The following KIF4A variants were observed in gnomAD, a reference collection of about 807,000 sequenced individuals.
KIF4A encodes the protein kinesin family member 4A, also known as chromosome-associated kinesin KIF4A.
In KIF4A, 7 loss-of-function variants were observed where a neutral mutation model predicts 105.9. The observed-to-expected ratio is 0.07, with a 90% CI of 0.04 to 0.12. The LOEUF (loss-of-function observed/expected upper bound fraction) is 0.12. Among genes scored for constraint, KIF4A ranks in the 10% least tolerant of loss-of-function variants. The probability of loss-of-function intolerance (pLI) is 1.00; values close to 1 mark genes in which losing one functional copy is unlikely to be tolerated. For missense variants in KIF4A, 558 were observed against 929.2 expected (o/e 0.60, Z 5.19); for synonymous variants, 281 against 331.3 (o/e 0.85, Z 1.65).
At chrX:70,412,342 G>A (rs1015969388) in intron 28 of KIF4A, among the ~76,000 whole-genome samples, 4 of 111,917 alleles carry the variant, frequency 3.6e-5, no homozygotes, top group Non-Finnish European at 7.5e-5. Flanking sequence ...GGTCTTGGCT[G>A]TGTAAGAGCC....
At chrX:70,329,660 T>C in intron 8 of KIF4A, 139 bp downstream of exon 8, 1 of 473,730 alleles carries the variant, frequency 2.1e-6, no homozygotes, top group South Asian at 4.2e-5. Context: ...GAGAGAGTGC[T>C]GTTGGCAAGC....
intron 9 of KIF4A, 89 bp from the exon 10 acceptor site, chrX:70,333,539 C>CCACA: frequency 1.6e-6 from 1 of 627,545 alleles, no homozygotes; most frequent in Non-Finnish European, 2.7e-6. Flanking sequence ...AGTAAAATTA[C>CCACA]TTTATTGCTA....
intron 7 of KIF4A, among the ~76,000 whole-genome samples, chrX:70,303,937 TTTA>T (rs552101158): frequency 0.014 from 1,506 of 104,122 alleles, 22 homozygotes; most frequent in Non-Finnish European, 0.023. Flanking sequence ...TTTATTTTAT[TTTA>T]TTATTATTAT....
chrX:70,400,742 T>C (rs762352537), intron 22 of KIF4A, among the ~76,000 whole-genome samples: 93 of 111,728 alleles, frequency 8.3e-4, no homozygotes, highest in Non-Finnish European at 1.5e-3. Context: ...TCAGAAAATA[T>C]GTAATGTATA....
intron 30 of KIF4A, 95 bp from the exon 31 acceptor site, chrX:70,419,967 C>G: frequency 2.0e-6 from 2 of 995,161 alleles, no homozygotes; most frequent in Non-Finnish European, 2.8e-6. Flanking sequence ...ACACTTCATA[C>G]TACTGGGAGT....
At chrX:70,315,444 C>A (rs1438331515) in intron 7 of KIF4A, among the ~76,000 whole-genome samples, 1 of 111,892 alleles carries the variant, frequency 8.9e-6, no homozygotes, top group African/African-American at 3.2e-5. Flanking sequence ...GTATTTAATT[C>A]TCTTAGTTCT....
intron 18 of KIF4A, among the ~76,000 whole-genome samples, chrX:70,385,549 C>G: frequency 8.9e-6 from 1 of 112,220 alleles, no homozygotes; most frequent in Middle Eastern, 4.6e-3. Flanking sequence ...TCATGTTTAT[C>G]TCTGTATCCT....
intron 13 of KIF4A, among the ~76,000 whole-genome samples, chrX:70,348,142 A>G (rs990794678): frequency 1.7e-4 from 18 of 106,523 alleles, no homozygotes; most frequent in African/African-American, 6.2e-4. Flanking sequence ...CATAAATAGC[A>G]CTTATTAAGG....
At chrX:70,316,330 A>T (rs1176481185) in intron 7 of KIF4A, among the ~76,000 whole-genome samples, 3 of 111,040 alleles carry the variant, frequency 2.7e-5, no homozygotes, top group Non-Finnish European at 5.7e-5. Flanking sequence ...TCCTGATTAA[A>T]TTACCTATTC....
rs2085774755 is a variant in KIF4A, at chrX:70,294,811, C to T, written c.236-2187C>T. Among the ~76,000 whole-genome samples, 3 of 112,904 alleles carry T rather than the reference C, an allele frequency of 2.7e-5. No individual in the cohort carries two copies. In the South Asian group the frequency reaches 1.1e-3, roughly 41 times the overall value. The stretch of plus-strand genomic sequence containing the variant: ...TGCCCGCTGGGCATGGTCGCTCAAG[C>T]CTGTAATCTCAGCACTTTGGGAGGC... On this transcript the variant is annotated intron_variant, in intron 3 of 30. Transcript: ENST00000374403.
At chrX:70,363,877 A>G (rs1231046117) in intron 15 of KIF4A, among the ~76,000 whole-genome samples, 1 of 111,568 alleles carries the variant, frequency 9.0e-6, no homozygotes, top group Non-Finnish European at 1.9e-5. Flanking sequence ...AAGTGTCCCT[A>G]TTTCTCCACA....
At chrX:70,327,069 GA>G (rs758596556) in intron 7 of KIF4A, among the ~76,000 whole-genome samples, 2 of 111,515 alleles carry the variant, frequency 1.8e-5, no homozygotes, top group Admixed American at 1.9e-4. Flanking sequence ...ATCTAGTTGA[GA>G]TATGGGCCAA....
rs138222376 is a variant in KIF4A at position 70,304,649 on chromosome X, C to CTTTTTT, written c.778+2269_778+2274dup. ...TGCATCATATATCAGTACTTCATTCCTTTTTTTTTTTTTTTTTTTTTTTGA... is the reference window on the plus strand; with the variant it reads ...TGCATCATATATCAGTACTTCATTCCTTTTTTTTTTTTTTTTTTTTTTTTTTTTTGA... On this transcript the variant is annotated intron_variant, in intron 7 of 30. Coordinates refer to ENST00000374403, the MANE Select transcript of KIF4A (RefSeq NM_012310.5). Among the ~76,000 whole-genome samples, 18 of 51,530 alleles carry CTTTTTT rather than the reference C, an allele frequency of 3.5e-4. 1 individual carries two copies. Among genetic ancestry groups the CTTTTTT allele is most frequent in the Non-Finnish European group, 4.5e-4 (14 of 31,243 alleles). The allele number at this position is 51,530 out of a possible 115,157, so 44.7% of individuals were successfully genotyped here. A position where few individuals can be genotyped will look rare whatever the true frequency, so the allele number is the denominator to read the frequency against.
At chrX:70,407,163 A>G in intron 28 of KIF4A, 88 bp downstream of exon 28, 3 of 1,004,788 alleles carry the variant, frequency 3.0e-6, no homozygotes, top group Non-Finnish European at 4.0e-6. Flanking sequence ...GCTGGAGTAC[A>G]GTGGTGCATT....
At chrX:70,397,052 G>A (rs1220036514) in intron 22 of KIF4A, among the ~76,000 whole-genome samples, 1 of 108,967 alleles carries the variant, frequency 9.2e-6, no homozygotes, top group East Asian at 2.9e-4. Context: ...CAGCCTGGGC[G>A]ATAGAGCAAG....
rs572105152 is a variant in KIF4A at position 70,294,992 on chromosome X, T to G, written c.236-2006T>G. On this transcript the variant is annotated intron_variant, in intron 3 of 30. Transcript: ENST00000374403. The stretch of plus-strand genomic sequence containing the variant: ...TGGAGGCTCAGGTGGGAGGATCGCT[T>G]GGGCCTGGGAGGCGAAGCCGTGATA... Among the ~76,000 whole-genome samples the G allele has an allele frequency of 8.9e-5, 10 of 112,184 alleles. No individual in the cohort carries two copies. The South Asian group carries it at 3.7e-3, about 42-fold the overall frequency.
intron 7 of KIF4A, among the ~76,000 whole-genome samples, chrX:70,303,700 G>A (rs1157421104): frequency 1.8e-5 from 2 of 110,770 alleles, no homozygotes; most frequent in Non-Finnish European, 3.8e-5. Flanking sequence ...TTATTTAACA[G>A]CTTTATTGAG....
chrX:70,344,322 A>C (rs187989328), intron 13 of KIF4A, among the ~76,000 whole-genome samples: 2 of 112,157 alleles, frequency 1.8e-5, no homozygotes, highest in East Asian at 5.6e-4. Flanking sequence ...CCATACCCCA[A>C]TTTTAAATAA....
intron 20 of KIF4A, among the ~76,000 whole-genome samples, chrX:70,388,311 T>C (rs768041413): frequency 8.9e-6 from 1 of 111,922 alleles, no homozygotes; most frequent in Admixed American, 9.6e-5. Context: ...TGATGGATAC[T>C]TGAGTGGTTT....
Sources: allele counts gnomAD v4.1 joint callset (sites outside exome capture counted in the v4.1 genomes callset), GRCh38; gene constraint gnomAD v4.1.1; transcripts MANE v1.5; gene names NCBI Gene and HGNC (gene_info 2026-07-23, HGNC 2026-07-21).